ARHGEF10L: variants seen among roughly 807,000 people sequenced by gnomAD.
ARHGEF10L encodes Rho guanine nucleotide exchange factor 10 like.
ARHGEF10L carries 69 observed loss-of-function variants against 141.2 expected under a neutral mutation model. The observed-to-expected ratio is 0.49, with a 90% CI of 0.40 to 0.60. ARHGEF10L has a LOEUF of 0.60. Among genes scored for constraint, ARHGEF10L ranks in the 20% least tolerant of loss-of-function variants. The pLI is 0.00. For synonymous variants in ARHGEF10L, 711 were observed against 718.5 expected, an observed-to-expected ratio of 0.99 and a Z score of 0.17; for missense variants, 1,482 against 1,734.3, an observed-to-expected ratio of 0.85 and a Z score of 2.58.
chr1:17,614,399 G>C (rs140155534), intron 8 of ARHGEF10L, among the ~76,000 whole-genome samples: 1 of 152,336 alleles, frequency 6.6e-6, no homozygotes, highest in Non-Finnish European at 1.5e-5. Context: ...GGAATGGGTG[G>C]ATTCGGCAGG....
intron 1 of ARHGEF10L, among the ~76,000 whole-genome samples, chr1:17,567,912 C>G (rs1165631382): frequency 6.6e-6 from 1 of 152,220 alleles, no homozygotes; most frequent in East Asian, 1.9e-4. Context: ...TGGATCCTCC[C>G]CCTTCCTGTC....
At position 17,644,928 on chromosome 1, in the gene ARHGEF10L, A is replaced by C. The variant is rs755238229; in HGVS notation, c.2273-3626A>C. On this transcript the variant is annotated intron_variant, in intron 21 of 28. Coordinates refer to ENST00000361221, the MANE Select transcript of ARHGEF10L (RefSeq NM_018125.4). The surrounding 1 kb of genome is among the most constrained non-coding windows in gnomAD (Gnocchi z 4.5). The stretch of plus-strand genomic sequence containing the variant: ...CGTTCCTTCCCCCATTTTCTACATG[A>C]GGCCACAGGCTCAGAGAGGGTAAGC... Among the ~76,000 whole-genome samples, 1 of 152,242 alleles carries C rather than the reference A, an allele frequency of 6.6e-6. No homozygotes were observed. The highest frequency in any genetic ancestry group is 1.5e-5 in the Non-Finnish European group (1 of 68,014).
In ARHGEF10L at chr1:17,657,903, G is replaced by A. The variant is rs191012701; in HGVS notation, c.2860+1195G>A. ...TTTGGCCCATTCCCTCTTACTGCTCGATTCACCAGTTTGGGCACCTGGGTT... is the reference window on the plus strand; with the variant it reads ...TTTGGCCCATTCCCTCTTACTGCTCAATTCACCAGTTTGGGCACCTGGGTT... On this transcript the variant is annotated intron_variant, in intron 25 of 28. Transcript: ENST00000361221. 3.9e-5 allele frequency among the ~76,000 whole-genome samples: 6 copies of A among 152,324 alleles called. No homozygotes were observed. In the East Asian group the frequency reaches 9.7e-4, roughly 25 times the overall value.
intron 27 of ARHGEF10L, chr1:17,689,677 A>G: frequency 2.4e-6 from 1 of 417,924 alleles, no homozygotes; most frequent in Non-Finnish European, 4.7e-6. Flanking sequence ...GGTTCAATCC[A>G]TTTTAACTAC....
chr1:17,687,840 C>T (rs2064745465), intron 27 of ARHGEF10L, 93 bp downstream of exon 27: 1 of 1,346,196 alleles, frequency 7.4e-7, no homozygotes, highest in Admixed American at 2.9e-5. Flanking sequence ...TCCCATTTTC[C>T]CTCATCAGCC....
In ARHGEF10L at chr1:17,673,716, G is replaced by T. The variant is rs1466516919; in HGVS notation, c.3009+9121G>T. On this transcript the variant is annotated intron_variant, in intron 26 of 28. Coordinates refer to ENST00000361221, the MANE Select transcript of ARHGEF10L (RefSeq NM_018125.4). The surrounding 1 kb of genome is among the most constrained non-coding windows in gnomAD (Gnocchi z 4.1). ...TCTGAGTGGGCTTGGATGGTGGTCA[G>T]TGTGGGCTCAGGGGCTGGGTTGGCT... Among the ~76,000 whole-genome samples the T allele has an allele frequency of 6.6e-6, 1 of 152,184 alleles. No individual in the cohort carries two copies. Among genetic ancestry groups the T allele is most frequent in the Non-Finnish European group, 1.5e-5 (1 of 68,032 alleles).
At chr1:17,595,519 T>A (rs1165136806) in intron 4 of ARHGEF10L, among the ~76,000 whole-genome samples, 1 of 152,170 alleles carries the variant, frequency 6.6e-6, no homozygotes, top group Non-Finnish European at 1.5e-5. Flanking sequence ...GTCTGTGATA[T>A]GATGCCACCT....
At chr1:17,557,513 G>A (rs1486204480) in intron 1 of ARHGEF10L, among the ~76,000 whole-genome samples, 2 of 152,220 alleles carry the variant, frequency 1.3e-5, no homozygotes, top group Non-Finnish European at 2.9e-5. Context: ...AAACCTGGCT[G>A]ATTGTCAGAA....
At chr1:17,661,102 C>G (rs1449176033) in intron 25 of ARHGEF10L, among the ~76,000 whole-genome samples, 2 of 152,124 alleles carry the variant, frequency 1.3e-5, no homozygotes, top group Admixed American at 1.3e-4. Flanking sequence ...GAGCTTTTTT[C>G]TGAGACAGAG....
At chr1:17,538,119 C>T (rs75704715), upstream of ARHGEF10L, among the ~76,000 whole-genome samples, 4,927 of 152,200 alleles carry the variant, frequency 0.032, 261 homozygotes, top group African/African-American at 0.11. Flanking sequence ...TTGGAGTACA[C>T]TGTGAAAGAC....
At chr1:17,594,420 C>G (rs1174858474) in intron 4 of ARHGEF10L, among the ~76,000 whole-genome samples, 1 of 152,206 alleles carries the variant, frequency 6.6e-6, no homozygotes, top group Non-Finnish European at 1.5e-5. Flanking sequence ...CCCGCCTGCC[C>G]TACATGTTAG....
In ARHGEF10L at chr1:17,673,279, C is replaced by T. The variant is rs916804691; in HGVS notation, c.3009+8684C>T. ...AGCTGGTAGCAGCCAGCCCCCGATCCTCGCCTCCCCTCCACTCTGTGTGTC... is the reference window on the plus strand; with the variant it reads ...AGCTGGTAGCAGCCAGCCCCCGATCTTCGCCTCCCCTCCACTCTGTGTGTC... On this transcript the variant is annotated intron_variant, in intron 26 of 28. Transcript: ENST00000361221. This position sits in a 1 kb window ranked among gnomAD's most constrained non-coding sequence, Gnocchi z 4.1. 4.6e-5 allele frequency among the ~76,000 whole-genome samples: 7 copies of T among 151,986 alleles called. No individual in the cohort carries two copies. The highest frequency in any genetic ancestry group is 8.8e-5 in the Non-Finnish European group (6 of 68,016).
chr1:17,624,608 G>C (rs925534934), intron 13 of ARHGEF10L, 105 bp downstream of exon 13: 2 of 870,196 alleles, frequency 2.3e-6, no homozygotes, highest in Admixed American at 3.8e-5. Context: ...TCATAGCTTT[G>C]GCCTGGACAG....
intron 23 of ARHGEF10L, among the ~76,000 whole-genome samples, chr1:17,655,276 AC>A (rs1254141270): frequency 6.6e-6 from 1 of 151,590 alleles, no homozygotes; most frequent in African/African-American, 2.4e-5. Flanking sequence ...CTATCCACCC[AC>A]CTATCCATCT....
chr1:17,546,885 C>T (rs565389123), intron 1 of ARHGEF10L, among the ~76,000 whole-genome samples: 1 of 152,232 alleles, frequency 6.6e-6, no homozygotes, highest in East Asian at 1.9e-4. Flanking sequence ...GTGCATGGCT[C>T]GTGGGAGCTT....
chr1:17,593,922 C>T (rs1405637626), intron 4 of ARHGEF10L, among the ~76,000 whole-genome samples: 8 of 150,806 alleles, frequency 5.3e-5, no homozygotes, highest in Non-Finnish European at 1.0e-4. Context: ...CTCAAAGCCT[C>T]AGGCCAGGGG....
In ARHGEF10L at chr1:17,603,565, G is replaced by T. The variant is rs765657427; in HGVS notation, c.407G>T (p.Cys136Phe). Residue 136 changes from cysteine to phenylalanine, a missense_variant, in exon 6 of 29, where the codon TGC becomes TTC. Cys to Phe is a radical substitution (Grantham distance 205). Coordinates refer to ENST00000361221, the MANE Select transcript of ARHGEF10L (RefSeq NM_018125.4). The surrounding 1 kb of genome is among the most constrained non-coding windows in gnomAD (Gnocchi z 4.8). ...GATGTGATTTATGACGACGTCCCCT[G>T]CGAGAGCCCAGATGCGCATCAGCCC... ...EEDVIYDDVP[C>F]ESPDAHQPGA... 3.7e-6 allele frequency: 6 copies of T among 1,613,618 alleles called. No homozygotes were observed. Among genetic ancestry groups the T allele is most frequent in the Non-Finnish European group, 4.2e-6 (5 of 1,179,778 alleles).
At chr1:17,665,146 C>A (rs1320209221) in intron 26 of ARHGEF10L, among the ~76,000 whole-genome samples, 1 of 152,242 alleles carries the variant, frequency 6.6e-6, no homozygotes, top group South Asian at 2.1e-4. Context: ...TTCACACCTG[C>A]AGTCCATCCT....
At chr1:17,694,345 G>A (rs2065329415) in intron 27 of ARHGEF10L, 1 of 157,374 alleles carries the variant, frequency 6.4e-6, no homozygotes, top group Non-Finnish European at 1.4e-5. Flanking sequence ...AGGTCATGTA[G>A]CTGGAGAGTG....
Sources: allele counts gnomAD v4.1 joint callset (sites outside exome capture counted in the v4.1 genomes callset), GRCh38; gene constraint gnomAD v4.1.1; non-coding constraint Gnocchi (gnomAD v3.1); transcripts MANE v1.5; gene names NCBI Gene and HGNC (gene_info 2026-07-23, HGNC 2026-07-21).